The following SPATA6 variants were observed in gnomAD, a reference collection of about 807,000 sequenced individuals.
The protein encoded by SPATA6 is spermatogenesis-associated protein 6.
SPATA6 carries 56 observed loss-of-function variants against 65.3 expected under a neutral mutation model. The ratio of observed to expected loss-of-function variants is 0.86; its 90% CI spans 0.69 to 1.07. The LOEUF (loss-of-function observed/expected upper bound fraction) is 1.07. Ranked by LOEUF, SPATA6 falls within the 50% of genes least tolerant of loss-of-function variation. The pLI is 0.00. For synonymous variants in SPATA6, 199 were observed against 213.2 expected, an observed-to-expected ratio of 0.93 and a Z score of 0.58; for missense variants, 590 against 594.8, an observed-to-expected ratio of 0.99 and a Z score of 0.08.
In SPATA6 at chr1:48,296,547, T is replaced by C. The variant is rs1231171850; in HGVS notation, c.*2166A>G. 3 of 152,208 alleles carry C rather than the reference T, an allele frequency of 2.0e-5. No homozygotes were observed. Among genetic ancestry groups the C allele is most frequent in the African/African-American group, 7.2e-5 (3 of 41,454 alleles). 9.4% of individuals were successfully genotyped at this position (152,208 alleles called of 1,614,324 possible). A position where few individuals can be genotyped will look rare whatever the true frequency, so the allele number is the denominator to read the frequency against. ...TTATTCACTTGGGAGATTTTGGTGA[T>C]AGTAAAACATTTTCTTTGAAAGTCA... On this transcript the variant is annotated 3_prime_UTR_variant, in exon 13 of 13. Transcript: ENST00000371847.
intron 9 of SPATA6, among the ~76,000 whole-genome samples, chr1:48,369,389 C>T (rs1647154719): frequency 6.6e-6 from 1 of 152,210 alleles, no homozygotes; most frequent in African/African-American, 2.4e-5. Flanking sequence ...GTGGAGCCTA[C>T]AGAGGCAGGC....
At chr1:48,390,742 T>G (rs1324164820) in intron 8 of SPATA6, among the ~76,000 whole-genome samples, 3 of 152,320 alleles carry the variant, frequency 2.0e-5, no homozygotes, top group Middle Eastern at 3.4e-3. Flanking sequence ...AATTCTACTT[T>G]CTCACTCACA....
chr1:48,430,345 A>G (rs1398366419), intron 3 of SPATA6, among the ~76,000 whole-genome samples: 2 of 152,176 alleles, frequency 1.3e-5, no homozygotes, highest in Non-Finnish European at 2.9e-5. Context: ...AAAATATTTA[A>G]AGAAAAAACT....
At chr1:48,271,647 A>G in the SPATA6 span, among the ~76,000 whole-genome samples, 1 of 152,060 alleles carries the variant, frequency 6.6e-6, no homozygotes, top group Non-Finnish European at 1.5e-5. Flanking sequence ...TTAAACAACT[A>G]GAATAGCAAT....
chr1:48,362,542 C>G (rs536595954), intron 9 of SPATA6, among the ~76,000 whole-genome samples: 4 of 152,220 alleles, frequency 2.6e-5, no homozygotes, highest in African/African-American at 9.6e-5. Flanking sequence ...AGCTCACACT[C>G]AAACCTAAGA....
At chr1:48,413,570 G>T (rs907068456) in intron 3 of SPATA6, among the ~76,000 whole-genome samples, 2 of 150,478 alleles carry the variant, frequency 1.3e-5, no homozygotes, top group African/African-American at 4.9e-5. Flanking sequence ...CCAAAGTGCT[G>T]GGATTACAGG....
intron 9 of SPATA6, among the ~76,000 whole-genome samples, chr1:48,376,683 C>T (rs992251273): frequency 1.4e-4 from 21 of 152,026 alleles, no homozygotes; most frequent in African/African-American, 3.4e-4. Flanking sequence ...TTAACAATGG[C>T]GATACCTTCT....
intron 9 of SPATA6, among the ~76,000 whole-genome samples, chr1:48,360,724 T>A (rs1557610419): frequency 6.6e-6 from 1 of 152,326 alleles, no homozygotes; most frequent in East Asian, 1.9e-4. Context: ...GAGAATAGTC[T>A]GCAGAGGGGC....
chr1:48,331,016 A>G (rs1346871415), intron 11 of SPATA6, among the ~76,000 whole-genome samples: 1 of 152,218 alleles, frequency 6.6e-6, no homozygotes, highest in Non-Finnish European at 1.5e-5. Context: ...GCAGTCAACC[A>G]AACCCACCTT....
the SPATA6 span, among the ~76,000 whole-genome samples, chr1:48,261,843 TCATTAGA>T: frequency 6.6e-6 from 1 of 152,096 alleles, no homozygotes; most frequent in Non-Finnish European, 1.5e-5. Context: ...ACTTCAGGTG[TCATTAGA>T]CACATTTTCT....
At chr1:48,312,973 G>A (rs1645269967) in intron 11 of SPATA6, among the ~76,000 whole-genome samples, 1 of 152,112 alleles carries the variant, frequency 6.6e-6, no homozygotes, top group South Asian at 2.1e-4. Flanking sequence ...TGAATGACAT[G>A]AAGCGAGAAG....
chr1:48,307,628 C>A (rs1341951857), intron 11 of SPATA6, among the ~76,000 whole-genome samples: 1 of 151,354 alleles, frequency 6.6e-6, no homozygotes, highest in Non-Finnish European at 1.5e-5. Context: ...TATAATGTGA[C>A]ATATCTGGAA....
chr1:48,322,757 G>A (rs927485485), intron 11 of SPATA6, among the ~76,000 whole-genome samples: 4 of 152,128 alleles, frequency 2.6e-5, no homozygotes, highest in African/African-American at 9.7e-5. Context: ...AAAAATGGGT[G>A]AAGGATATGA....
intron 3 of SPATA6, among the ~76,000 whole-genome samples, chr1:48,427,358 G>C (rs1653932542): frequency 1.4e-5 from 2 of 147,238 alleles, no homozygotes; most frequent in Admixed American, 1.4e-4. Context: ...ATTTTAAATA[G>C]CACAGAAAGT....
intron 1 of SPATA6, among the ~76,000 whole-genome samples, chr1:48,453,646 C>T (rs1656775362): frequency 6.6e-6 from 1 of 152,114 alleles, no homozygotes; most frequent in Non-Finnish European, 1.5e-5. Flanking sequence ...AAGTTTCTAG[C>T]CCAATAAAGT....
intron 3 of SPATA6, among the ~76,000 whole-genome samples, chr1:48,439,655 A>G (rs973435256): frequency 3.3e-5 from 5 of 152,196 alleles, no homozygotes; most frequent in African/African-American, 1.2e-4. Flanking sequence ...CAAACAAACC[A>G]AAACCACCGG....
intron 11 of SPATA6, among the ~76,000 whole-genome samples, chr1:48,326,715 C>A (rs893581118): frequency 1.1e-4 from 16 of 151,832 alleles, no homozygotes; most frequent in African/African-American, 3.4e-4. Context: ...AGCCACATAC[C>A]CACAATTAAC....
chr1:48,429,590 T>A (rs12724329), intron 3 of SPATA6, among the ~76,000 whole-genome samples: 24,060 of 151,850 alleles, frequency 0.16, 2,332 homozygotes, highest in Admixed American at 0.26. Context: ...AAAATAATCA[T>A]AAGGGATAAA....
At chr1:48,355,822 T>A in intron 10 of SPATA6, 53 bp from the exon 11 acceptor site, 1 of 1,394,344 alleles carries the variant, frequency 7.2e-7, no homozygotes, top group East Asian at 2.3e-5. Context: ...GTAATGATTC[T>A]AAGCTATACT....
Sources: allele counts gnomAD v4.1 joint callset (sites outside exome capture counted in the v4.1 genomes callset), GRCh38; gene constraint gnomAD v4.1.1; transcripts MANE v1.5; gene names NCBI Gene and HGNC (gene_info 2026-07-23, HGNC 2026-07-21).